PACRG: variants seen among roughly 807,000 people sequenced by gnomAD.
PACRG encodes parkin coregulated gene protein.
PACRG carries 29 observed loss-of-function variants against 29.7 expected under a neutral mutation model. That is an observed-to-expected ratio of 0.98 (90% CI 0.73 to 1.33). The LOEUF (loss-of-function observed/expected upper bound fraction) is 1.33, where lower values mean the gene tolerates loss of function less well. PACRG is among the 40% of genes most tolerant of loss of function. PACRG has a pLI of 0.00. For missense variants in PACRG, 279 were observed against 316.2 expected (o/e 0.88, Z 0.89); for synonymous variants, 116 against 118.7 (o/e 0.98, Z 0.15).
chr6:162,882,366 C>T (rs1207843130), intron 2 of PACRG, among the ~76,000 whole-genome samples: 1 of 150,984 alleles, frequency 6.6e-6, no homozygotes, highest in African/African-American at 2.4e-5. Context: ...TCCACCAATA[C>T]CAGAGACCTG....
chr6:162,961,838 T>A (rs1430955846), intron 2 of PACRG, among the ~76,000 whole-genome samples: 1 of 152,176 alleles, frequency 6.6e-6, no homozygotes, highest in East Asian at 1.9e-4. Context: ...TATTCCCATA[T>A]GTAAAATGCT....
At chr6:163,194,023 G>T (rs1780339568) in intron 4 of PACRG, among the ~76,000 whole-genome samples, 1 of 151,958 alleles carries the variant, frequency 6.6e-6, no homozygotes, top group Admixed American at 6.5e-5. Flanking sequence ...CTCCCGAGTA[G>T]CTGGGACTAC....
At chr6:163,286,747 G>T (rs982553948) in intron 4 of PACRG, among the ~76,000 whole-genome samples, 1 of 152,176 alleles carries the variant, frequency 6.6e-6, no homozygotes, top group Non-Finnish European at 1.5e-5. Context: ...TTTTTTGAGG[G>T]AAAACTTTCC....
intron 2 of PACRG, among the ~76,000 whole-genome samples, chr6:163,006,233 T>C (rs1805103805): frequency 6.9e-6 from 1 of 145,890 alleles, no homozygotes; most frequent in South Asian, 2.1e-4. Context: ...TGTATATATA[T>C]GGGTTACATG....
intron 4 of PACRG, among the ~76,000 whole-genome samples, chr6:163,139,460 G>A (rs1817068210): frequency 6.6e-6 from 1 of 152,188 alleles, no homozygotes. Flanking sequence ...TGTGATTGCA[G>A]GGAAATTATT....
intron 2 of PACRG, among the ~76,000 whole-genome samples, chr6:162,968,769 C>G (rs983555603): frequency 2.6e-5 from 4 of 152,062 alleles, no homozygotes; most frequent in Non-Finnish European, 5.9e-5. Context: ...AATTGATAGG[C>G]TGGGCGCGGT....
intron 4 of PACRG, among the ~76,000 whole-genome samples, chr6:163,203,121 C>A (rs1225925872): frequency 6.6e-6 from 1 of 152,106 alleles, no homozygotes; most frequent in African/African-American, 2.4e-5. Context: ...GTAGATGGGA[C>A]CAGGCACGGC....
intron 2 of PACRG, among the ~76,000 whole-genome samples, chr6:162,975,085 T>A (rs1157468285): frequency 1.3e-5 from 2 of 152,190 alleles, no homozygotes; most frequent in Non-Finnish European, 2.9e-5. Context: ...CCTGCAATAA[T>A]CTGAGCTTGT....
intron 4 of PACRG, among the ~76,000 whole-genome samples, chr6:163,299,425 C>T (rs1784904337): frequency 6.6e-6 from 1 of 152,174 alleles, no homozygotes; most frequent in Non-Finnish European, 1.5e-5. Context: ...GCCCGCCCTG[C>T]CCTGCAGCCA....
intron 2 of PACRG, among the ~76,000 whole-genome samples, chr6:162,820,371 T>A (rs1186009636): frequency 6.6e-6 from 1 of 152,230 alleles, no homozygotes; most frequent in Non-Finnish European, 1.5e-5. Flanking sequence ...TCAATGTGAC[T>A]GTTTTCATTG....
At chr6:162,757,996 G>C (rs1782062092) in intron 1 of PACRG, among the ~76,000 whole-genome samples, 1 of 152,152 alleles carries the variant, frequency 6.6e-6, no homozygotes. Flanking sequence ...ACGAAAGTCT[G>C]AAAACTTACT....
At chr6:162,839,627 G>C (rs1373229292) in intron 2 of PACRG, among the ~76,000 whole-genome samples, 3 of 151,584 alleles carry the variant, frequency 2.0e-5, no homozygotes, top group African/African-American at 4.8e-5. Context: ...TTTGTCTTTT[G>C]TTGCCATTGC....
intron 2 of PACRG, among the ~76,000 whole-genome samples, chr6:162,823,922 A>G (rs1788058913): frequency 6.6e-6 from 1 of 152,118 alleles, no homozygotes; most frequent in South Asian, 2.1e-4. Flanking sequence ...GCCAATACCC[A>G]GTGTCTAGCA....
intron 2 of PACRG, among the ~76,000 whole-genome samples, chr6:162,964,269 G>A (rs1373985966): frequency 6.6e-6 from 1 of 152,108 alleles, no homozygotes; most frequent in African/African-American, 2.4e-5. Context: ...TATAAAACAA[G>A]TGAGCTTCTC....
intron 4 of PACRG, among the ~76,000 whole-genome samples, chr6:163,223,143 C>T (rs936202158): frequency 6.6e-6 from 1 of 152,066 alleles, no homozygotes; most frequent in Admixed American, 6.6e-5. Context: ...CCTGTAATAC[C>T]AGTACTTTGG....
At chr6:163,174,232 A>G (rs1209710108) in intron 4 of PACRG, among the ~76,000 whole-genome samples, 3 of 127,466 alleles carry the variant, frequency 2.4e-5, no homozygotes, top group Admixed American at 2.3e-4. Context: ...AACAAATTGC[A>G]AAAAAAATCT....
intron 2 of PACRG, among the ~76,000 whole-genome samples, chr6:162,825,884 TG>T (rs1440649970): frequency 6.6e-6 from 1 of 152,210 alleles, no homozygotes; most frequent in African/African-American, 2.4e-5. Context: ...CTTTCATTTC[TG>T]GGGACTTAGT....
At position 162,728,038 on chromosome 6, in the gene PACRG, T is replaced by TC. The variant is rs1779408864; in HGVS notation, c.-195dup. On this transcript the variant is annotated 5_prime_UTR_variant, in exon 1 of 5. Transcript: ENST00000366888. ...AGCTCTAGCCAAGGTCCTGCCCTCTTCCCGCCCCGCCCCTAGGGTCCAGCT... is the reference window on the plus strand; with the variant it reads ...AGCTCTAGCCAAGGTCCTGCCCTCTTCCCCGCCCCGCCCCTAGGGTCCAGCT... 4 of 701,818 alleles carry TC rather than the reference T, an allele frequency of 5.7e-6. No individual in the cohort carries two copies. Among genetic ancestry groups the TC allele is most frequent in the Middle Eastern group, 4.1e-4 (1 of 2,440 alleles). 43.5% of individuals were successfully genotyped at this position (701,818 alleles called of 1,614,324 possible).
At chr6:162,742,460 G>A (rs879888029) in intron 1 of PACRG, among the ~76,000 whole-genome samples, 3 of 152,126 alleles carry the variant, frequency 2.0e-5, no homozygotes, top group Non-Finnish European at 2.9e-5. Context: ...CCAGTCTCAG[G>A]TATGTCTTTA....
Sources: gnomAD v4.1 joint callset for allele counts (sites outside exome capture counted in the v4.1 genomes callset) on GRCh38, gnomAD v4.1.1 for gene constraint, MANE v1.5 for transcripts, NCBI Gene and HGNC (gene_info 2026-07-23, HGNC 2026-07-21) for gene names.